Variants in TMEM163 observed in about 807,000 individuals in gnomAD.
The protein encoded by TMEM163 is transmembrane protein 163.
In TMEM163, 17 loss-of-function variants were observed where a neutral mutation model predicts 29.3. The ratio of observed to expected loss-of-function variants is 0.58; its 90% CI spans 0.40 to 0.87. The LOEUF is 0.87. Ranked by LOEUF, TMEM163 falls within the 40% of genes least tolerant of loss-of-function variation. TMEM163 has a pLI of 0.00. For synonymous variants in TMEM163, 157 were observed against 160.6 expected (o/e 0.98, Z 0.17); for missense variants, 303 against 381.5 (o/e 0.79, Z 1.71).
chr2:134,558,555 G>C (rs1349803821), intron 2 of TMEM163, among the ~76,000 whole-genome samples: 2 of 152,162 alleles, frequency 1.3e-5, no homozygotes, highest in African/African-American at 4.8e-5. Context: ...CCCATTGTTA[G>C]GGCAAAGCTA....
At chr2:134,630,730 T>C (rs1212662908) in intron 2 of TMEM163, among the ~76,000 whole-genome samples, 1 of 151,946 alleles carries the variant, frequency 6.6e-6, no homozygotes, top group Admixed American at 6.5e-5. Flanking sequence ...TATCGCCACA[T>C]AGTTGCCATG....
At chr2:134,545,846 G>A (rs928669580) in intron 4 of TMEM163, among the ~76,000 whole-genome samples, 1 of 152,100 alleles carries the variant, frequency 6.6e-6, no homozygotes, top group East Asian at 1.9e-4. Flanking sequence ...ACCTATCAAG[G>A]CTTCTCATCT....
At chr2:134,503,166 G>A (rs931662105) in intron 4 of TMEM163, among the ~76,000 whole-genome samples, 169 bp from the exon 5 acceptor site, 6 of 152,194 alleles carry the variant, frequency 3.9e-5, no homozygotes, top group African/African-American at 1.4e-4. Flanking sequence ...GTCACCTCTA[G>A]GAGAATACAG....
intron 2 of TMEM163, among the ~76,000 whole-genome samples, chr2:134,661,539 C>T (rs945961373): frequency 6.6e-6 from 1 of 152,200 alleles, no homozygotes; most frequent in Non-Finnish European, 1.5e-5. Flanking sequence ...AGATGAAGAT[C>T]GTGCAACCCT....
At chr2:134,674,484 C>G (rs1433960979) in intron 2 of TMEM163, among the ~76,000 whole-genome samples, 1 of 118,906 alleles carries the variant, frequency 8.4e-6, no homozygotes, top group Non-Finnish European at 1.7e-5. Flanking sequence ...GCTGGGACTA[C>G]AGGCGCGCGC....
Position 134,661,925 on chromosome 2 carries a change from C to CTTTTTTTTTTTTT in TMEM163, c.322+51274_322+51275insAAAAAAAAAAAAA, listed in dbSNP as rs201436466. Among the ~76,000 whole-genome samples the CTTTTTTTTTTTTT allele has an allele frequency of 4.8e-4, 38 of 79,060 alleles. 5 individuals are homozygous for CTTTTTTTTTTTTT. Among genetic ancestry groups the CTTTTTTTTTTTTT allele is most frequent in the African/African-American group, 1.3e-3 (22 of 16,988 alleles). The allele number at this position is 79,060 out of a possible 152,430, so 51.9% of individuals were successfully genotyped here. ...AAGTTTTCATGGATTCATTAATTTT[C>CTTTTTTTTTTTTT]TTTCTTTTTTTTTTTTTTTTTTTTG... On this transcript the variant is annotated intron_variant, in intron 2 of 7. Transcript: ENST00000281924.
intron 5 of TMEM163, among the ~76,000 whole-genome samples, chr2:134,494,252 C>T (rs567382180): frequency 4.6e-5 from 7 of 152,280 alleles, no homozygotes; most frequent in Admixed American, 4.6e-4. Flanking sequence ...TCTTGAGTAA[C>T]AACAGTAAGA....
chr2:134,525,859 G>C (rs1680283476), intron 4 of TMEM163, among the ~76,000 whole-genome samples: 1 of 152,240 alleles, frequency 6.6e-6, no homozygotes, highest in South Asian at 2.1e-4. Context: ...GTCCAGAAAA[G>C]CTTTCTAGAA....
intron 4 of TMEM163, among the ~76,000 whole-genome samples, chr2:134,542,959 A>C (rs1558939550): frequency 2.0e-5 from 3 of 152,096 alleles, no homozygotes; most frequent in South Asian, 2.1e-4. Context: ...TTCTCTTCTT[A>C]TAAGGACACT....
Position 134,713,264 on chromosome 2 carries a change from C to A in TMEM163, c.258G>T (p.Lys86Asn). ...AGAACCAGGACACCCACAATGCCTT[C>A]TTCCTGTAGTTCTGGGCTTCGTGAG... ...LKPHEAQNYR[K>N]KALWVSWFSI... Residue 86 changes from lysine (K) to asparagine (N), a missense_variant, in exon 2 of 8, where the codon AAG becomes AAT. Physicochemically the swap from Lys to Asn is moderately conservative, Grantham distance 94. This residue lies in a region of TMEM163 where 203 missense variants were observed against 294.3 expected (regional missense o/e 0.69). Transcript: ENST00000281924. 1 of 1,614,174 alleles carries A rather than the reference C, an allele frequency of 6.2e-7. No individual in the cohort carries two copies. The highest frequency in any genetic ancestry group is 8.5e-7 in the Non-Finnish European group (1 of 1,180,026).
Position 134,517,472 on chromosome 2 carries a change from C to A in TMEM163, c.459-14475G>T, listed in dbSNP as rs146517824. ...ACTCAAAGCCAAATTTGAGGCTTGC[C>A]GCGTAGACAAGCCGGAATTTTCTTT... On this transcript the variant is annotated intron_variant, in intron 4 of 7. Coordinates refer to ENST00000281924, the MANE Select transcript of TMEM163 (RefSeq NM_030923.5). 3.1e-3 allele frequency among the ~76,000 whole-genome samples: 472 copies of A among 152,246 alleles called. 3 individuals are homozygous for A. The highest frequency in any genetic ancestry group is 5.3e-3 in the Admixed American group (81 of 15,294).
At chr2:134,589,793 G>A (rs1000227581) in intron 2 of TMEM163, among the ~76,000 whole-genome samples, 2 of 151,934 alleles carry the variant, frequency 1.3e-5, no homozygotes, top group African/African-American at 2.4e-5. Context: ...TCATGGACTC[G>A]CCCTGAATTC....
At chr2:134,676,082 G>A (rs1008681657) in intron 2 of TMEM163, among the ~76,000 whole-genome samples, 2 of 152,086 alleles carry the variant, frequency 1.3e-5, no homozygotes, top group African/African-American at 4.8e-5. Context: ...AACAGAATGG[G>A]GCCAGTGGCA....
At chr2:134,597,206 A>G (rs1340986405) in intron 2 of TMEM163, among the ~76,000 whole-genome samples, 1 of 152,172 alleles carries the variant, frequency 6.6e-6, no homozygotes, top group African/African-American at 2.4e-5. Flanking sequence ...TTCAAAGGGA[A>G]TGCTTCCAGT....
At chr2:134,679,688 C>T (rs1684188362) in intron 2 of TMEM163, among the ~76,000 whole-genome samples, 1 of 152,190 alleles carries the variant, frequency 6.6e-6, no homozygotes, top group African/African-American at 2.4e-5. Context: ...ATAGGGATAA[C>T]TAAACCCATT....
intron 6 of TMEM163, among the ~76,000 whole-genome samples, chr2:134,464,089 T>C (rs1436192600): frequency 6.6e-6 from 1 of 152,140 alleles, no homozygotes; most frequent in African/African-American, 2.4e-5. Context: ...GTAGGTTTGG[T>C]TTCATATGAA....
intron 2 of TMEM163, among the ~76,000 whole-genome samples, chr2:134,585,660 T>G (rs1681802046): frequency 6.6e-6 from 1 of 151,036 alleles, no homozygotes; most frequent in African/African-American, 2.4e-5. Flanking sequence ...GAGGATGGCG[T>G]GAACCCGGGA....
In TMEM163 at chr2:134,620,679, G is replaced by A. The variant is rs79468036; in HGVS notation, c.323-68588C>T. On this transcript the variant is annotated intron_variant, in intron 2 of 7. Coordinates refer to ENST00000281924, the MANE Select transcript of TMEM163 (RefSeq NM_030923.5). ...AGGGAGGAAAAATCTTTCATTTATG[G>A]TGAATTAATTTTTAATAAAGTTGAA... Among the ~76,000 whole-genome samples, 79 of 152,308 alleles carry A rather than the reference G, an allele frequency of 5.2e-4. No homozygotes were observed. The East Asian group carries it at 0.015, about 29-fold the overall frequency.
intron 5 of TMEM163, 90 bp downstream of exon 5, chr2:134,502,811 C>A: frequency 9.1e-7 from 1 of 1,101,296 alleles, no homozygotes; most frequent in Non-Finnish European, 1.3e-6. Flanking sequence ...TCTCAACATG[C>A]CCGACTCCAC....
Sources: gnomAD v4.1 joint callset for allele counts (sites outside exome capture counted in the v4.1 genomes callset) on GRCh38, gnomAD v4.1.1 for gene constraint, gnomAD v4.1.1 regional missense constraint, MANE v1.5 for transcripts, NCBI Gene and HGNC (gene_info 2026-07-23, HGNC 2026-07-21) for gene names.